Variants in C12orf50 observed in about 807,000 individuals in gnomAD.
C12orf50 encodes the protein zinc finger CCCH-type containing 11D.
C12orf50 carries 35 observed loss-of-function variants against 61.6 expected under a neutral mutation model. The observed-to-expected ratio is 0.57, with a 90% confidence interval of 0.43 to 0.75. C12orf50 has a LOEUF of 0.75. Ranked by LOEUF, C12orf50 falls within the 30% of genes least tolerant of loss-of-function variation. The probability of loss-of-function intolerance (pLI) is 0.00; values close to 1 mark genes in which losing one functional copy is unlikely to be tolerated. For synonymous variants in C12orf50, 178 were observed against 161.5 expected, an observed-to-expected ratio of 1.10 and a Z score of -0.77; for missense variants, 475 against 488.5, an observed-to-expected ratio of 0.97 and a Z score of 0.26.
intron 3 of C12orf50, among the ~76,000 whole-genome samples, chr12:88,015,692 TA>T (rs892067627): frequency 2.0e-5 from 3 of 152,216 alleles, no homozygotes; most frequent in African/African-American, 7.2e-5. Context: ...AGAAAATGTC[TA>T]GGGAATTTTT....
intron 7 of C12orf50, among the ~76,000 whole-genome samples, chr12:87,991,129 C>T (rs984844803): frequency 5.3e-5 from 8 of 152,218 alleles, no homozygotes; most frequent in Admixed American, 3.3e-4. Context: ...GTATCATCTA[C>T]GGCATCATCC....
In C12orf50 at chr12:87,994,255, C is replaced by T. The variant is rs574370313; in HGVS notation, c.592+378G>A. On this transcript the variant is annotated intron_variant, in intron 7 of 12. Transcript: ENST00000298699. ...TAGATAAATAAAAAGTAGACTTAAT[C>T]AAATGATTTATTAAGTGCCTCCTTC... Among the ~76,000 whole-genome samples, 20 of 149,984 alleles carry T rather than the reference C, an allele frequency of 1.3e-4. No individual in the cohort carries two copies. In the South Asian group the frequency reaches 4.2e-3, roughly 31 times the overall value.
intron 9 of C12orf50, 111 bp from the exon 10 acceptor site, chr12:87,986,527 A>C (rs568651751): frequency 2.0e-4 from 137 of 678,420 alleles, no homozygotes; most frequent in Middle Eastern, 1.8e-3. Context: ...AGAGGAAAAA[A>C]TAAATGCACC....
chr12:87,995,906 G>A (rs2031366410), intron 6 of C12orf50, among the ~76,000 whole-genome samples: 1 of 152,144 alleles, frequency 6.6e-6, no homozygotes, highest in Non-Finnish European at 1.5e-5. Flanking sequence ...CAGAGCCTTC[G>A]ATTTGTTCTC....
At position 87,984,183 on chromosome 12, in the gene C12orf50, G is replaced by A. The variant is rs554279142; in HGVS notation, c.1127-988C>T. On this transcript the variant is annotated intron_variant, in intron 11 of 12. Transcript: ENST00000298699. ...TCATGTGTCTTTTGGATGCATAAAT[G>A]TCTTCTTTTGAGAAGTGTCTGTTCA... The A allele has an allele frequency of 8.5e-5, 13 of 152,204 alleles. No homozygotes were observed. In the East Asian group the frequency reaches 2.3e-3, roughly 27 times the overall value. 9.4% of individuals were successfully genotyped at this position (152,204 alleles called of 1,614,324 possible).
intron 3 of C12orf50, among the ~76,000 whole-genome samples, chr12:88,004,836 A>T (rs1267129014): frequency 2.0e-5 from 3 of 152,174 alleles, no homozygotes; most frequent in Non-Finnish European, 4.4e-5. Flanking sequence ...AACATTGAGT[A>T]CACATGGACA....
Position 87,980,241 on chromosome 12 carries a change from G to A in C12orf50, c.*90C>T, listed in dbSNP as rs2030389166. ...CCACTACATAACATGGAGTACTTGAGTATCTCATTCTTTGAATTTTCATTT... is the reference window on the plus strand; with the variant it reads ...CCACTACATAACATGGAGTACTTGAATATCTCATTCTTTGAATTTTCATTT... On this transcript the variant is annotated 3_prime_UTR_variant, in exon 13 of 13. Coordinates refer to ENST00000298699, the MANE Select transcript of C12orf50 (RefSeq NM_152589.3). 1.6e-6 allele frequency: 2 copies of A among 1,281,726 alleles called. No individual in the cohort carries two copies. The highest frequency in any genetic ancestry group is 2.3e-5 in the East Asian group (1 of 43,184). 79.4% of individuals were successfully genotyped at this position (1,281,726 alleles called of 1,614,324 possible). A position where few individuals can be genotyped will look rare whatever the true frequency, so the allele number is the denominator to read the frequency against.
At chr12:87,982,166 A>T (rs986788011) in intron 12 of C12orf50, among the ~76,000 whole-genome samples, 2 of 152,038 alleles carry the variant, frequency 1.3e-5, no homozygotes, top group East Asian at 3.9e-4. Flanking sequence ...AGAGCTCAAC[A>T]ATTTCAAGTT....
At chr12:88,002,110 T>C (rs1197086986) in intron 3 of C12orf50, among the ~76,000 whole-genome samples, 1 of 151,836 alleles carries the variant, frequency 6.6e-6, no homozygotes, top group Non-Finnish European at 1.5e-5. Flanking sequence ...TCGAGATTTT[T>C]AAAAAATATA....
intron 2 of C12orf50, 84 bp from the exon 3 acceptor site, chr12:88,026,692 A>G: frequency 6.7e-7 from 1 of 1,500,920 alleles, no homozygotes; most frequent in Non-Finnish European, 9.0e-7. Context: ...CAGCACAAGG[A>G]CACAAAAACA....
intron 8 of C12orf50, among the ~76,000 whole-genome samples, chr12:87,988,486 T>G (rs938468336): frequency 1.3e-5 from 2 of 152,168 alleles, no homozygotes; most frequent in African/African-American, 4.8e-5. Flanking sequence ...TTTTATTTTA[T>G]TCAGCTTTAA....
At chr12:88,015,852 G>C (rs536259026) in intron 3 of C12orf50, among the ~76,000 whole-genome samples, 3 of 152,184 alleles carry the variant, frequency 2.0e-5, no homozygotes, top group Non-Finnish European at 4.4e-5. Context: ...TATTTTAAAA[G>C]AGTCCAAAAC....
At chr12:88,017,409 C>G (rs1156967298) in intron 3 of C12orf50, among the ~76,000 whole-genome samples, 2 of 152,224 alleles carry the variant, frequency 1.3e-5, no homozygotes, top group African/African-American at 4.8e-5. Context: ...CCATGTGGAA[C>G]TGTAAGTCCA....
chr12:87,984,510 C>T (rs2030700164), intron 11 of C12orf50: 1 of 152,124 alleles, frequency 6.6e-6, no homozygotes, highest in South Asian at 2.1e-4. Flanking sequence ...CATGTCCTTC[C>T]ATGAAGTGAC....
intron 3 of C12orf50, among the ~76,000 whole-genome samples, chr12:88,007,394 G>C (rs899449636): frequency 6.6e-6 from 1 of 152,176 alleles, no homozygotes; most frequent in Admixed American, 6.5e-5. Flanking sequence ...CATTTGTGCT[G>C]CTGTAACAAA....
intron 3 of C12orf50, among the ~76,000 whole-genome samples, chr12:88,007,466 C>CT (rs767554886): frequency 1.1e-4 from 16 of 152,168 alleles, no homozygotes; most frequent in Non-Finnish European, 2.1e-4. Flanking sequence ...GTTGAGAAGT[C>CT]TAAGGTCAAG....
Position 88,027,052 on chromosome 12 carries a change from G to A in C12orf50, c.-90C>T, listed in dbSNP as rs61736159. On this transcript the variant is annotated 5_prime_UTR_variant, in exon 2 of 13. Transcript: ENST00000298699. ...CTGCCAAGGGCCTCTTCACAGTGTCGGAATCGGCACTGGGAACCCTAAAAG... is the reference window on the plus strand; with the variant it reads ...CTGCCAAGGGCCTCTTCACAGTGTCAGAATCGGCACTGGGAACCCTAAAAG... The A allele has an allele frequency of 1.6e-3, 2,652 of 1,611,518 alleles. 3 individuals are homozygous for A. Among genetic ancestry groups the A allele is most frequent in the Admixed American group, 2.5e-3 (151 of 59,378 alleles).
At chr12:87,982,029 G>A (rs2030503912) in intron 12 of C12orf50, among the ~76,000 whole-genome samples, 2 of 152,022 alleles carry the variant, frequency 1.3e-5, no homozygotes, top group African/African-American at 4.8e-5. Context: ...TTAACTATCT[G>A]GTATGGGAGG....
chr12:88,017,858 T>C (rs1417135917), intron 3 of C12orf50, among the ~76,000 whole-genome samples: 3 of 152,134 alleles, frequency 2.0e-5, no homozygotes, highest in African/African-American at 7.2e-5. Context: ...AGAGAGATAA[T>C]TTAAGGTATC....
Sources: gnomAD v4.1 joint callset for allele counts (sites outside exome capture counted in the v4.1 genomes callset) on GRCh38, gnomAD v4.1.1 for gene constraint, MANE v1.5 for transcripts, NCBI Gene and HGNC (gene_info 2026-07-23, HGNC 2026-07-21) for gene names.